The following LY6S variants were observed in gnomAD, a reference collection of about 807,000 sequenced individuals.
LY6S encodes lymphocyte antigen 6 family member S.
At chr8:143,041,678 G>C in the LY6S span, among the ~76,000 whole-genome samples, 1 of 152,110 alleles carries the variant, frequency 6.6e-6, no homozygotes, top group East Asian at 1.9e-4. Flanking sequence ...TTTATGTTCA[G>C]AGATTGCAGT....
At chr8:143,070,433 T>TTA in the LY6S span, among the ~76,000 whole-genome samples, 43 of 94,808 alleles carry the variant, frequency 4.5e-4, 1 homozygote, top group South Asian at 6.1e-4. Flanking sequence ...TATATATATA[T>TTA]TATATATATA....
the LY6S span, among the ~76,000 whole-genome samples, chr8:143,051,702 T>G: frequency 6.6e-6 from 1 of 151,914 alleles, no homozygotes; most frequent in Middle Eastern, 3.5e-3. Flanking sequence ...CTGGGCACAG[T>G]GGCTCACACC....
At chr8:143,051,971 C>CAAA in the LY6S span, among the ~76,000 whole-genome samples, 3 of 78,292 alleles carry the variant, frequency 3.8e-5, 1 homozygote, top group Non-Finnish European at 5.4e-5. Context: ...GACTCTGTCT[C>CAAA]AAAAAAAAAA....
the LY6S span, among the ~76,000 whole-genome samples, chr8:143,048,767 G>A: frequency 6.6e-6 from 1 of 152,134 alleles, no homozygotes; most frequent in Non-Finnish European, 1.5e-5. Flanking sequence ...ACCGTGCCTG[G>A]CCGAAATCTG....
the LY6S span, chr8:143,044,105 C>T: frequency 2.2e-6 from 1 of 455,994 alleles, no homozygotes; most frequent in African/African-American, 2.0e-5. Context: ...CTCCCCAGTC[C>T]TCCCATGGCC....
chr8:143,074,044 C>T, the LY6S span, among the ~76,000 whole-genome samples: 1 of 152,200 alleles, frequency 6.6e-6, no homozygotes, highest in Admixed American at 6.5e-5. Flanking sequence ...TTTTTTTCTC[C>T]TGGCTGCAGC....
the LY6S span, among the ~76,000 whole-genome samples, chr8:143,062,725 C>T: frequency 6.6e-6 from 1 of 151,962 alleles, no homozygotes; most frequent in Non-Finnish European, 1.5e-5. Context: ...TAAGGAAGGA[C>T]ATACAAAGGC....
chr8:143,048,470 CTTTTTTT>C, the LY6S span, among the ~76,000 whole-genome samples: 17 of 124,492 alleles, frequency 1.4e-4, no homozygotes, highest in Non-Finnish European at 2.0e-4. Flanking sequence ...ACAAAATTTT[CTTTTTTT>C]TTTTTTTTTT....
chr8:143,064,673 G>A, the LY6S span, among the ~76,000 whole-genome samples: 1 of 152,178 alleles, frequency 6.6e-6, no homozygotes, highest in Non-Finnish European at 1.5e-5. Context: ...CTGTGGGTAT[G>A]CAAAAGAAAA....
At chr8:143,050,204 C>T in the LY6S span, among the ~76,000 whole-genome samples, 1,012 of 128,136 alleles carry the variant, frequency 7.9e-3, 11 homozygotes, top group African/African-American at 0.028. Flanking sequence ...TTTTTTGAGA[C>T]GGAGTCTTGC....
the LY6S span, among the ~76,000 whole-genome samples, chr8:143,071,732 C>T: frequency 1.3e-5 from 2 of 152,316 alleles, no homozygotes; most frequent in East Asian, 3.9e-4. Flanking sequence ...AGCATCCCCA[C>T]AAGCTCGCAG....
the LY6S span, among the ~76,000 whole-genome samples, chr8:143,045,624 G>C: frequency 1.3e-5 from 2 of 151,964 alleles, no homozygotes; most frequent in African/African-American, 4.8e-5. This position sits in a 1 kb window ranked among gnomAD's most constrained non-coding sequence, Gnocchi z 5.3. Flanking sequence ...CCCCACCCAG[G>C]ACCCTCCCAG....
chr8:143,052,237 C>T, the LY6S span, among the ~76,000 whole-genome samples: 88 of 150,382 alleles, frequency 5.9e-4, no homozygotes, highest in Non-Finnish European at 1.1e-3. Flanking sequence ...GCCGAGATCG[C>T]ACCACTGCAC....
the LY6S span, among the ~76,000 whole-genome samples, chr8:143,072,759 T>C: frequency 4.4e-4 from 39 of 88,260 alleles, 1 homozygote; most frequent in African/African-American, 1.6e-3. Flanking sequence ...TCCTCGGGGT[T>C]CCTGTTTGAG....
the LY6S span, among the ~76,000 whole-genome samples, chr8:143,072,464 G>A: frequency 8.9e-6 from 1 of 111,978 alleles, no homozygotes. Context: ...CCTGTTTGAG[G>A]AGACAGCCGT....
chr8:143,044,749 C>G, the LY6S span: 1 of 1,367,620 alleles, frequency 7.3e-7, no homozygotes, highest in East Asian at 4.5e-5. Context: ...GACCACGCTG[C>G]AGGAGGCCCC....
At chr8:143,067,887 A>G in the LY6S span, among the ~76,000 whole-genome samples, 1 of 152,234 alleles carries the variant, frequency 6.6e-6, no homozygotes, top group Non-Finnish European at 1.5e-5. Context: ...GCCACAGGGC[A>G]GTTTTCTCCC....
the LY6S span, among the ~76,000 whole-genome samples, chr8:143,068,479 G>C: frequency 6.6e-6 from 1 of 151,986 alleles, no homozygotes; most frequent in Non-Finnish European, 1.5e-5. Flanking sequence ...TTTGCCTTCT[G>C]CTATGATTGG....
At chr8:143,057,557 C>G in the LY6S span, 1 of 1,206,074 alleles carries the variant, frequency 8.3e-7, no homozygotes, top group Non-Finnish European at 1.2e-6. Flanking sequence ...TGCCTTTAGT[C>G]TCTTGATAAC....
Sources: gnomAD v4.1 joint callset for allele counts (sites outside exome capture counted in the v4.1 genomes callset) on GRCh38, gnomAD v4.1.1 for gene constraint, Gnocchi (gnomAD v3.1) non-coding constraint, MANE v1.5 for transcripts, NCBI Gene and HGNC (gene_info 2026-07-23, HGNC 2026-07-21) for gene names.